SRF: variants seen among roughly 807,000 people sequenced by gnomAD.
The protein encoded by SRF is serum response factor.
Under a neutral mutation model 37.1 loss-of-function variants are expected in SRF, and 7 were observed. The ratio of observed to expected loss-of-function variants is 0.19; its 90% CI spans 0.11 to 0.35. SRF has a LOEUF of 0.35. SRF is among the 10% of genes least tolerant of loss of function. The pLI is 1.00. For missense variants in SRF, 395 were observed against 694.4 expected (o/e 0.57, Z 4.85); for synonymous variants, 285 against 310.1 (o/e 0.92, Z 0.85).
intron 2 of SRF, 84 bp from the exon 3 acceptor site, chr6:43,175,622 A>T (rs1772181637): frequency 6.4e-7 from 1 of 1,571,056 alleles, no homozygotes; most frequent in Non-Finnish European, 8.7e-7. Flanking sequence ...CACTGGTTTC[A>T]GTCTGGGTTC....
In SRF at chr6:43,180,018, GC is replaced by G. The variant is rs1772279891; in HGVS notation, c.*831del. On this transcript the variant is annotated 3_prime_UTR_variant, in exon 7 of 7. Coordinates refer to ENST00000265354, the MANE Select transcript of SRF (RefSeq NM_003131.4). ...TGCCCAAACTCCCCTTCCCTGGGGA[GC>G]CCTCAGGCTCCCCAGAACTGGCTGG... 1.3e-5 allele frequency: 2 copies of G among 152,058 alleles called. No individual in the cohort carries two copies. The highest frequency in any genetic ancestry group is 2.9e-5 in the Non-Finnish European group (2 of 67,992). 9.4% of individuals were successfully genotyped at this position (152,058 alleles called of 1,614,324 possible).
intron 2 of SRF, 128 bp downstream of exon 2, chr6:43,174,241 GA>G: frequency 8.1e-7 from 1 of 1,234,688 alleles, no homozygotes; most frequent in Non-Finnish European, 1.1e-6. Flanking sequence ...CGTCCTAGGG[GA>G]CAGGTGTCCA....
chr6:43,171,782 C>T lies in SRF; in HGVS notation c.126C>T (p.Gly42=). The change falls in exon 1 of 7, where the codon GGC becomes GGT. Residue 42 remains glycine, a synonymous_variant. Coordinates refer to ENST00000265354, the MANE Select transcript of SRF (RefSeq NM_003131.4). This position sits in a 1 kb window ranked among gnomAD's most constrained non-coding sequence, Gnocchi z 6.5. Reference sequence around the variant, plus strand: ...GCGGGACACGCGGGGCTAACGGGGGCCGGGTCCCCGGGAATGGCGCGGGGC... The same window carrying T: ...GCGGGACACGCGGGGCTAACGGGGGTCGGGTCCCCGGGAATGGCGCGGGGC... ...GGGGTRGANG[G]RVPGNGAGLG... The T allele has an allele frequency of 8.2e-7, 1 of 1,215,068 alleles. No individual in the cohort carries two copies. Among genetic ancestry groups the T allele is most frequent in the Non-Finnish European group, 1.0e-6 (1 of 977,606 alleles). The allele number at this position is 1,215,068 out of a possible 1,614,324, so 75.3% of individuals were successfully genotyped here. A position where few individuals can be genotyped will look rare whatever the true frequency, so the allele number is the denominator to read the frequency against.
chr6:43,176,056 C>A lies in SRF; in HGVS notation c.1042+89C>A. On this transcript the variant is annotated intron_variant, in intron 3 of 6. Coordinates refer to ENST00000265354, the MANE Select transcript of SRF (RefSeq NM_003131.4). This position sits in a 1 kb window ranked among gnomAD's most constrained non-coding sequence, Gnocchi z 4.0. ...TGTTTAGGGCTGGCACCAAGAGAACCTCTTTCCCTGCTCAGAAGGAAGGTG... is the reference window on the plus strand; with the variant it reads ...TGTTTAGGGCTGGCACCAAGAGAACATCTTTCCCTGCTCAGAAGGAAGGTG... 1.3e-6 allele frequency: 2 copies of A among 1,518,454 alleles called. No homozygotes were observed. Among genetic ancestry groups the A allele is most frequent in the Non-Finnish European group, 1.8e-6 (2 of 1,129,752 alleles). 94.1% of individuals were successfully genotyped at this position (1,518,454 alleles called of 1,614,324 possible).
At position 43,171,642 on chromosome 6, in the gene SRF, C is replaced by T. The variant is rs1772100779; in HGVS notation, c.-15C>T. On this transcript the variant is annotated 5_prime_UTR_variant, in exon 1 of 7. Transcript: ENST00000265354. This position sits in a 1 kb window ranked among gnomAD's most constrained non-coding sequence, Gnocchi z 6.5. ...TCCTCGCTGACTGCCCGTCCGCCCT[C>T]CTGCATCGAGCGCCATGTTACCGAC... 4.1e-6 allele frequency: 5 copies of T among 1,206,398 alleles called. No homozygotes were observed. The highest frequency in any genetic ancestry group is 5.2e-6 in the Non-Finnish European group (5 of 969,968). The allele number at this position is 1,206,398 out of a possible 1,614,324, so 74.7% of individuals were successfully genotyped here.
At position 43,178,834 on chromosome 6, in the gene SRF, A is replaced by C; in HGVS notation, c.1383A>C (p.Ala461=). The change falls in exon 6 of 7, where the codon GCA becomes GCC. Residue 461 remains alanine, a synonymous_variant. Coordinates refer to ENST00000265354, the MANE Select transcript of SRF (RefSeq NM_003131.4). The surrounding 1 kb of genome is among the most constrained non-coding windows in gnomAD (Gnocchi z 4.3). ...PGGVPQVFLT[A]SSGTVQIPVS... is the part of the protein sequence containing the mutation. ...GCGTCCCCCAGGTGTTCCTGACAGC[A>C]TCATCTGGGACAGTGCAGATCCCTG... The C allele has an allele frequency of 6.2e-7, 1 of 1,614,246 alleles. No individual in the cohort carries two copies. Among genetic ancestry groups the C allele is most frequent in the Non-Finnish European group, 8.5e-7 (1 of 1,180,038 alleles).
Position 43,174,110 on chromosome 6 carries a change from C to A in SRF, c.777C>A (p.Thr259=), listed in dbSNP as rs1393010857. 6.2e-7 allele frequency: 1 copy of A among 1,614,008 alleles called. No homozygotes were observed. Among genetic ancestry groups the A allele is most frequent in the African/African-American group, 1.3e-5 (1 of 75,052 alleles). The change falls in exon 2 of 7, where the codon ACC becomes ACA. Residue 259 remains threonine (T), a synonymous_variant. Transcript: ENST00000265354. The part of the protein sequence containing the change: ...QVSESDSSGE[T]KDTLKPAFTV... The stretch of plus-strand genomic sequence containing the variant: ...CGGAGTCTGACAGCAGTGGGGAGAC[C>A]AAGGTGTGTTTGGGTTGCCTATGTG...
Position 43,179,272 on chromosome 6 carries a change from C to G in SRF, c.*82C>G. The G allele has an allele frequency of 2.8e-6, 4 of 1,451,406 alleles. No homozygotes were observed. Among genetic ancestry groups the G allele is most frequent in the African/African-American group, 1.4e-5 (1 of 71,944 alleles). 89.9% of individuals were successfully genotyped at this position (1,451,406 alleles called of 1,614,324 possible). ...CCTTTTCACGTTTTCTTTACACACA[C>G]GTTGACGGGCCGCAGGAGGGAGGCG... On this transcript the variant is annotated 3_prime_UTR_variant, in exon 7 of 7. Coordinates refer to ENST00000265354, the MANE Select transcript of SRF (RefSeq NM_003131.4). This position sits in a 1 kb window ranked among gnomAD's most constrained non-coding sequence, Gnocchi z 5.3.
rs1772148534 is a variant in SRF, at chr6:43,173,748, TG to T, written c.514-94del. ...TTAGAGACGAAGGTCATTATGGGAA[TG>T]GGGGAATGACATCACTGTATAATTC... On this transcript the variant is annotated intron_variant, in intron 1 of 6. Coordinates refer to ENST00000265354, the MANE Select transcript of SRF (RefSeq NM_003131.4). This position sits in a 1 kb window ranked among gnomAD's most constrained non-coding sequence, Gnocchi z 4.2. The T allele has an allele frequency of 1.4e-6, 2 of 1,463,772 alleles. No individual in the cohort carries two copies. The highest frequency in any genetic ancestry group is 2.1e-5 in the Admixed American group (1 of 47,854). The allele number at this position is 1,463,772 out of a possible 1,614,324, so 90.7% of individuals were successfully genotyped here. A position where few individuals can be genotyped will look rare whatever the true frequency, so the allele number is the denominator to read the frequency against.
chr6:43,171,574 G>T lies in SRF; in HGVS notation c.-83G>T. 8.6e-7 allele frequency: 1 copy of T among 1,166,428 alleles called. No individual in the cohort carries two copies. Among genetic ancestry groups the T allele is most frequent in the East Asian group, 3.7e-5 (1 of 26,712 alleles). 72.3% of individuals were successfully genotyped at this position (1,166,428 alleles called of 1,614,324 possible). A position where few individuals can be genotyped will look rare whatever the true frequency, so the allele number is the denominator to read the frequency against. On this transcript the variant is annotated 5_prime_UTR_variant, in exon 1 of 7. Coordinates refer to ENST00000265354, the MANE Select transcript of SRF (RefSeq NM_003131.4). This position sits in a 1 kb window ranked among gnomAD's most constrained non-coding sequence, Gnocchi z 6.5. The stretch of plus-strand genomic sequence containing the variant: ...GCACTAGCAGCAGCGGGAGTGCCGG[G>T]TTGAGCCGGGAAGCCGATGGCGGCG...
chr6:43,171,569 G>T lies in SRF; in HGVS notation c.-88G>T, dbSNP rs895586554. 32 of 1,158,450 alleles carry T rather than the reference G, an allele frequency of 2.8e-5. No individual in the cohort carries two copies. In the African/African-American group the frequency reaches 4.9e-4, roughly 18 times the overall value. 71.8% of individuals were successfully genotyped at this position (1,158,450 alleles called of 1,614,324 possible). A position where few individuals can be genotyped will look rare whatever the true frequency, so the allele number is the denominator to read the frequency against. On this transcript the variant is annotated 5_prime_UTR_variant, in exon 1 of 7. Coordinates refer to ENST00000265354, the MANE Select transcript of SRF (RefSeq NM_003131.4). This position sits in a 1 kb window ranked among gnomAD's most constrained non-coding sequence, Gnocchi z 6.5. ...TAGCGGCACTAGCAGCAGCGGGAGT[G>T]CCGGGTTGAGCCGGGAAGCCGATGG...
chr6:43,177,613 G>A (rs1166999192), intron 4 of SRF, among the ~76,000 whole-genome samples: 1 of 151,138 alleles, frequency 6.6e-6, no homozygotes, highest in Admixed American at 6.6e-5. Context: ...TTTGTTAGCT[G>A]TGCATTAAGA....
rs1772250453 is a variant in SRF, at chr6:43,178,703, A to G, written c.1355-103A>G. On this transcript the variant is annotated intron_variant, in intron 5 of 6. Transcript: ENST00000265354. This position sits in a 1 kb window ranked among gnomAD's most constrained non-coding sequence, Gnocchi z 4.3. ...CTGGCACCCTTTCCCTTGGGCTCTT[A>G]CATCTGAGACTGCCCCAGTCACTTG... 7.3e-7 allele frequency: 1 copy of G among 1,370,112 alleles called. No homozygotes were observed. The highest frequency in any genetic ancestry group is 1.0e-6 in the Non-Finnish European group (1 of 964,782). The allele number at this position is 1,370,112 out of a possible 1,614,324, so 84.9% of individuals were successfully genotyped here.
Position 43,175,815 on chromosome 6 carries a change from T to G in SRF, c.890T>G (p.Phe297Cys), listed in dbSNP as rs1772186909. 1.2e-6 allele frequency: 2 copies of G among 1,614,100 alleles called. No homozygotes were observed. The highest frequency in any genetic ancestry group is 1.7e-6 in the Non-Finnish European group (2 of 1,180,002). The change falls in exon 3 of 7, where the codon TTT becomes TGT. Residue 297 changes from phenylalanine to cysteine, a missense_variant. Physicochemically the swap from Phe to Cys is radical, Grantham distance 205. This residue lies in a region of SRF where 232 missense variants were observed against 335.6 expected (regional missense o/e 0.69). Transcript: ENST00000265354. ...ATGCAAGTCAGCAGCGGCCCCTCCT[T>G]TCCCATCACCAACTACCTGGCACCA... ...TTMQVSSGPS[F>C]PITNYLAPVS...
chr6:43,180,065 C>G lies in SRF; in HGVS notation c.*875C>G, dbSNP rs1443252039. The G allele has an allele frequency of 1.3e-5, 2 of 152,202 alleles. No homozygotes were observed. The highest frequency in any genetic ancestry group is 1.5e-5 in the Non-Finnish European group (1 of 68,036). 9.4% of individuals were successfully genotyped at this position (152,202 alleles called of 1,614,324 possible). The stretch of plus-strand genomic sequence containing the variant: ...GCTGGGCCCCTGGGGACAGAGCCAC[C>G]CCATGAGCTCGGGGTCCACCAGTGT... On this transcript the variant is annotated 3_prime_UTR_variant, in exon 7 of 7. Coordinates refer to ENST00000265354, the MANE Select transcript of SRF (RefSeq NM_003131.4).
intron 4 of SRF, among the ~76,000 whole-genome samples, chr6:43,177,228 G>GTTCTTTTTTTTT (rs1772214599): frequency 8.6e-6 from 1 of 116,848 alleles, no homozygotes; most frequent in Non-Finnish European, 1.7e-5. Context: ...ATCGGAGTCT[G>GTTCTTTTTTTTT]TTTTTTTTTT....
Position 43,173,535 on chromosome 6 carries a change from C to A in SRF, c.514-312C>A, listed in dbSNP as rs1772145041. Among the ~76,000 whole-genome samples the A allele has an allele frequency of 1.3e-5, 2 of 152,150 alleles. No homozygotes were observed. Among genetic ancestry groups the A allele is most frequent in the Non-Finnish European group, 2.9e-5 (2 of 68,028 alleles). ...GGGTGAGGCTCTGGGACATTCCAGG[C>A]ACTAAGCTGTGTTGGGGAGCAGCTA... On this transcript the variant is annotated intron_variant, in intron 1 of 6. Transcript: ENST00000265354. The surrounding 1 kb of genome is among the most constrained non-coding windows in gnomAD (Gnocchi z 4.2).
At position 43,178,637 on chromosome 6, in the gene SRF, C is replaced by A; in HGVS notation, c.1354+152C>A. On this transcript the variant is annotated intron_variant, in intron 5 of 6. Transcript: ENST00000265354. The surrounding 1 kb of genome is among the most constrained non-coding windows in gnomAD (Gnocchi z 4.3). The stretch of plus-strand genomic sequence containing the variant: ...GGATGCTCACACACACATTTGGACA[C>A]CCCACTTGGACACTCACACCCGCAT... 1 of 1,290,322 alleles carries A rather than the reference C, an allele frequency of 7.7e-7. No individual in the cohort carries two copies. Among genetic ancestry groups the A allele is most frequent in the African/African-American group, 1.5e-5 (1 of 68,872 alleles). 79.9% of individuals were successfully genotyped at this position (1,290,322 alleles called of 1,614,324 possible).
chr6:43,174,790 A>C (rs1772168175), intron 2 of SRF, among the ~76,000 whole-genome samples: 1 of 152,190 alleles, frequency 6.6e-6, no homozygotes, highest in South Asian at 2.1e-4. Flanking sequence ...TCTTGGGCCC[A>C]GCTGCTTTGC....
Sources: allele counts gnomAD v4.1 joint callset (sites outside exome capture counted in the v4.1 genomes callset), GRCh38; gene constraint gnomAD v4.1.1; regional missense constraint gnomAD v4.1.1; non-coding constraint Gnocchi (gnomAD v3.1); transcripts MANE v1.5; gene names NCBI Gene and HGNC (gene_info 2026-07-23, HGNC 2026-07-21).